ENTREP2: variants seen among roughly 807,000 people sequenced by gnomAD.
ENTREP2 encodes endosomal transmembrane epsin interactor 2.
At chr15:29,603,836 A>G in the ENTREP2 span, among the ~76,000 whole-genome samples, 1 of 152,036 alleles carries the variant, frequency 6.6e-6, no homozygotes, top group African/African-American at 2.4e-5. Context: ...ATGGGGTTTC[A>G]CTATGTTGGC....
At chr15:29,275,494 A>C in the ENTREP2 span, among the ~76,000 whole-genome samples, 1 of 152,232 alleles carries the variant, frequency 6.6e-6, no homozygotes, top group African/African-American at 2.4e-5. Flanking sequence ...GTTAAAAAAG[A>C]AAAACATTTT....
the ENTREP2 span, among the ~76,000 whole-genome samples, chr15:29,438,605 C>CG: frequency 6.6e-6 from 1 of 151,994 alleles, no homozygotes; most frequent in Non-Finnish European, 1.5e-5. Flanking sequence ...CCATCCAACC[C>CG]GGCCCCTGTA....
chr15:29,515,814 C>T, the ENTREP2 span, among the ~76,000 whole-genome samples: 1 of 152,180 alleles, frequency 6.6e-6, no homozygotes, highest in East Asian at 1.9e-4. Context: ...ATCCCCTGGC[C>T]ATATCCCCAG....
the ENTREP2 span, among the ~76,000 whole-genome samples, chr15:29,399,488 C>A: frequency 1.3e-5 from 2 of 152,126 alleles, no homozygotes; most frequent in African/African-American, 4.8e-5. Flanking sequence ...AATTAGAAAA[C>A]CCAAAGGAAT....
chr15:29,468,331 C>T, the ENTREP2 span, among the ~76,000 whole-genome samples: 1 of 152,102 alleles, frequency 6.6e-6, no homozygotes, highest in Admixed American at 6.6e-5. Flanking sequence ...AAAAGACAGG[C>T]TGGGCATGGT....
At chr15:29,255,590 C>T in the ENTREP2 span, among the ~76,000 whole-genome samples, 1 of 152,128 alleles carries the variant, frequency 6.6e-6, no homozygotes, top group Non-Finnish European at 1.5e-5. Flanking sequence ...ATGTTCACCA[C>T]AGCATTATTC....
At chr15:29,619,429 G>A in the ENTREP2 span, among the ~76,000 whole-genome samples, 1 of 151,918 alleles carries the variant, frequency 6.6e-6, no homozygotes, top group Non-Finnish European at 1.5e-5. Flanking sequence ...ACAACCTCAT[G>A]AGATAGACAT....
chr15:29,179,540 G>A, the ENTREP2 span, among the ~76,000 whole-genome samples: 2 of 151,950 alleles, frequency 1.3e-5, no homozygotes, highest in Non-Finnish European at 1.5e-5. Flanking sequence ...CGGAGTCTGC[G>A]TGGTGTTCCA....
At chr15:29,596,581 A>G in the ENTREP2 span, among the ~76,000 whole-genome samples, 1 of 152,058 alleles carries the variant, frequency 6.6e-6, no homozygotes, top group Admixed American at 6.6e-5. Flanking sequence ...TCCTTCAACA[A>G]CATTGTTCCA....
the ENTREP2 span, among the ~76,000 whole-genome samples, chr15:29,329,362 CA>C: frequency 0.14 from 13,679 of 98,322 alleles, 1,579 homozygotes; most frequent in African/African-American, 0.35. Flanking sequence ...GGCTCCGTCT[CA>C]AAAAAAAAAA....
At chr15:29,201,159 CTGTT>C in the ENTREP2 span, among the ~76,000 whole-genome samples, 1 of 152,114 alleles carries the variant, frequency 6.6e-6, no homozygotes, top group Admixed American at 6.5e-5. Flanking sequence ...CTTGTTTGTT[CTGTT>C]TGTTTTTTAA....
the ENTREP2 span, among the ~76,000 whole-genome samples, chr15:29,573,253 G>A: frequency 6.6e-6 from 1 of 152,232 alleles, no homozygotes; most frequent in African/African-American, 2.4e-5. Context: ...GTAAAATTTC[G>A]TTTGCATCCA....
chr15:29,531,661 T>C, the ENTREP2 span, among the ~76,000 whole-genome samples: 1 of 152,212 alleles, frequency 6.6e-6, no homozygotes, highest in African/African-American at 2.4e-5. Flanking sequence ...TATGTAAACA[T>C]TATGGAAAGC....
the ENTREP2 span, among the ~76,000 whole-genome samples, chr15:29,579,235 T>C: frequency 3.3e-5 from 5 of 152,206 alleles, no homozygotes; most frequent in South Asian, 2.1e-4. Context: ...TAAAACACTT[T>C]GCTTGTGGAT....
At chr15:29,655,299 G>C in the ENTREP2 span, among the ~76,000 whole-genome samples, 2 of 152,124 alleles carry the variant, frequency 1.3e-5, no homozygotes, top group Non-Finnish European at 2.9e-5. Flanking sequence ...GGTAAAACTA[G>C]AGAATTTTGA....
chr15:29,489,972 GT>G, the ENTREP2 span, among the ~76,000 whole-genome samples: 233 of 152,348 alleles, frequency 1.5e-3, no homozygotes, highest in African/African-American at 5.2e-3. Context: ...AAATGAAACT[GT>G]CTCTAAATAG....
the ENTREP2 span, among the ~76,000 whole-genome samples, chr15:29,443,576 C>T: frequency 1.3e-5 from 2 of 152,030 alleles, no homozygotes; most frequent in South Asian, 2.1e-4. Flanking sequence ...GAGGGTGTGC[C>T]CCAAGAAGTG....
the ENTREP2 span, among the ~76,000 whole-genome samples, chr15:29,621,652 C>A: frequency 6.8e-6 from 1 of 146,694 alleles, no homozygotes; most frequent in South Asian, 2.1e-4. Context: ...AATCGGAACC[C>A]TTGTGCACTG....
chr15:29,260,252 C>T, the ENTREP2 span, among the ~76,000 whole-genome samples: 1 of 152,104 alleles, frequency 6.6e-6, no homozygotes, highest in South Asian at 2.1e-4. Flanking sequence ...ACCCTGGTAC[C>T]GAAGTCAGAC....
Sources: gnomAD v4.1 joint callset for allele counts (sites outside exome capture counted in the v4.1 genomes callset) on GRCh38, gnomAD v4.1.1 for gene constraint, MANE v1.5 for transcripts, NCBI Gene and HGNC (gene_info 2026-07-23, HGNC 2026-07-21) for gene names.